The following PRELID2 variants were observed in gnomAD, a reference collection of about 807,000 sequenced individuals.
PRELID2 encodes the protein PRELI domain-containing protein 2.
In PRELID2, 25 loss-of-function variants were observed where a neutral mutation model predicts 28.4. The ratio of observed to expected loss-of-function variants is 0.88; its 90% CI spans 0.64 to 1.23. The LOEUF (loss-of-function observed/expected upper bound fraction) is 1.23. Ranked by LOEUF, PRELID2 falls within the 50% of genes most tolerant of loss-of-function variation. The probability of loss-of-function intolerance (pLI) is 0.00; values close to 1 mark genes in which losing one functional copy is unlikely to be tolerated. For missense variants in PRELID2, 201 were observed against 214.4 expected (o/e 0.94, Z 0.39); for synonymous variants, 76 against 71.6 (o/e 1.06, Z -0.31).
At chr5:145,654,833 T>A (rs1243990792) in intron 1 of PRELID2, among the ~76,000 whole-genome samples, 7 of 152,126 alleles carry the variant, frequency 4.6e-5, no homozygotes, top group African/African-American at 1.2e-4. Context: ...CTTTGAAAAC[T>A]GGCACAAGAC....
At position 145,783,873 on chromosome 5, in the gene PRELID2, T is replaced by A. The variant is rs1392764659; in HGVS notation, c.474+12569A>T. On this transcript the variant is annotated intron_variant, in intron 5 of 6. Transcript: ENST00000683046. ...CTTGGAATTACTGAATTTTGAAATA[T>A]CCACTGTTTTTTAGAATTGTGACTA... Among the ~76,000 whole-genome samples, 10 of 152,234 alleles carry A rather than the reference T, an allele frequency of 6.6e-5. No homozygotes were observed. The East Asian group carries it at 1.9e-3, about 29-fold the overall frequency.
intron 1 of PRELID2, among the ~76,000 whole-genome samples, chr5:145,496,594 G>T (rs189078156): frequency 3.3e-4 from 50 of 152,272 alleles, no homozygotes; most frequent in Admixed American, 3.1e-3. Context: ...ATTGGGCATG[G>T]TCAAGGCTCC....
At chr5:145,546,437 G>T (rs896818641) in intron 1 of PRELID2, among the ~76,000 whole-genome samples, 1 of 152,144 alleles carries the variant, frequency 6.6e-6, no homozygotes, top group Non-Finnish European at 1.5e-5. Context: ...GGAGATGAAA[G>T]GATACATATG....
chr5:145,578,582 G>A (rs1753081807), intron 1 of PRELID2, among the ~76,000 whole-genome samples: 2 of 152,042 alleles, frequency 1.3e-5, no homozygotes, highest in Admixed American at 1.3e-4. Context: ...GCTGGAGAAA[G>A]CATTTTGGGT....
chr5:145,306,761 C>G, the PRELID2 span, among the ~76,000 whole-genome samples: 5 of 152,022 alleles, frequency 3.3e-5, no homozygotes, highest in East Asian at 7.7e-4. Flanking sequence ...TTATGAATTA[C>G]GTATATATGT....
At chr5:145,424,609 C>T in the PRELID2 span, among the ~76,000 whole-genome samples, 10 of 152,102 alleles carry the variant, frequency 6.6e-5, no homozygotes, top group Non-Finnish European at 8.8e-5. Flanking sequence ...GCACGGTGCG[C>T]GCACCCACTG....
At chr5:145,617,715 G>GT (rs1382758425) in intron 1 of PRELID2, among the ~76,000 whole-genome samples, 1 of 148,560 alleles carries the variant, frequency 6.7e-6, no homozygotes, top group Non-Finnish European at 1.5e-5. Flanking sequence ...AGTTTTGGTT[G>GT]TTTTTTCTTT....
chr5:145,585,284 G>A (rs1247574909), intron 1 of PRELID2, among the ~76,000 whole-genome samples: 1 of 152,116 alleles, frequency 6.6e-6, no homozygotes, highest in Non-Finnish European at 1.5e-5. Flanking sequence ...AGGGCCTGTC[G>A]TGGTGGGGTG....
chr5:145,253,632 A>G, the PRELID2 span, among the ~76,000 whole-genome samples: 1 of 151,878 alleles, frequency 6.6e-6, no homozygotes. Context: ...CAGATTCTAA[A>G]TCTCCCTCTT....
At chr5:145,500,121 T>C (rs1190934491) in intron 1 of PRELID2, among the ~76,000 whole-genome samples, 2 of 152,190 alleles carry the variant, frequency 1.3e-5, no homozygotes, top group African/African-American at 2.4e-5. Context: ...CTGTCTGATA[T>C]GGTCTGGATC....
At chr5:145,398,117 G>A in the PRELID2 span, among the ~76,000 whole-genome samples, 902 of 152,188 alleles carry the variant, frequency 5.9e-3, 6 homozygotes, top group African/African-American at 0.017. Context: ...GCTTCAACCA[G>A]CTTCAAACAG....
At chr5:145,303,865 C>T in the PRELID2 span, among the ~76,000 whole-genome samples, 1 of 152,150 alleles carries the variant, frequency 6.6e-6, no homozygotes, top group Non-Finnish European at 1.5e-5. Flanking sequence ...AAATGACCAT[C>T]TTTGTTGCAT....
At chr5:145,569,313 T>C (rs1561507980) in intron 1 of PRELID2, among the ~76,000 whole-genome samples, 1 of 152,248 alleles carries the variant, frequency 6.6e-6, no homozygotes, top group South Asian at 2.1e-4. Flanking sequence ...TTCTACAGAA[T>C]ATATTCTAAA....
chr5:145,765,123 G>A, intron 5 of PRELID2, 123 bp from the exon 6 acceptor site: 1 of 644,326 alleles, frequency 1.6e-6, no homozygotes, highest in Non-Finnish European at 2.6e-6. Flanking sequence ...CAACAAAGTA[G>A]GCTCATAGCC....
intron 1 of PRELID2, among the ~76,000 whole-genome samples, chr5:145,683,906 A>G (rs1421764907): frequency 6.6e-6 from 1 of 152,118 alleles, no homozygotes; most frequent in Non-Finnish European, 1.5e-5. Flanking sequence ...TGGTATTATT[A>G]TTATTACTGA....
At chr5:145,229,113 A>C in the PRELID2 span, 1 of 1,344,174 alleles carries the variant, frequency 7.4e-7, no homozygotes, top group East Asian at 2.3e-5. Context: ...CATCGCCCAC[A>C]AAAAAGTGGA....
At chr5:145,651,113 C>T (rs763432907) in intron 1 of PRELID2, among the ~76,000 whole-genome samples, 1 of 152,160 alleles carries the variant, frequency 6.6e-6, no homozygotes, top group African/African-American at 2.4e-5. Context: ...AGATGATATC[C>T]CACGCCTGGC....
the PRELID2 span, among the ~76,000 whole-genome samples, chr5:145,357,974 G>A: frequency 1.3e-5 from 2 of 151,538 alleles, no homozygotes; most frequent in South Asian, 4.2e-4. Flanking sequence ...GGCATAAGGT[G>A]GGTTTAGTCA....
At chr5:145,819,482 A>G in intron 3 of PRELID2, 1 of 974,832 alleles carries the variant, frequency 1.0e-6, no homozygotes, top group South Asian at 1.4e-5. Context: ...TTAGAGAAAT[A>G]CACATAAAGA....
Sources: gnomAD v4.1 joint callset for allele counts (sites outside exome capture counted in the v4.1 genomes callset) on GRCh38, gnomAD v4.1.1 for gene constraint, MANE v1.5 for transcripts, NCBI Gene and HGNC (gene_info 2026-07-23, HGNC 2026-07-21) for gene names.